The following L3MBTL4 variants were observed in gnomAD, a reference collection of about 807,000 sequenced individuals.
The protein encoded by L3MBTL4 is lethal(3)malignant brain tumor-like protein 4.
Under a neutral mutation model 84.5 loss-of-function variants are expected in L3MBTL4, and 70 were observed. The ratio of observed to expected loss-of-function variants is 0.83; its 90% confidence interval spans 0.68 to 1.01. The LOEUF is 1.01. Ranked by LOEUF, L3MBTL4 falls within the 50% of genes least tolerant of loss-of-function variation. L3MBTL4 has a pLI of 0.00. For missense variants in L3MBTL4, 715 were observed against 754.8 expected (o/e 0.95, Z 0.62); for synonymous variants, 274 against 259.8 (o/e 1.05, Z -0.52).
intron 14 of L3MBTL4, among the ~76,000 whole-genome samples, chr18:6,099,200 C>T (rs1175777797): frequency 6.6e-6 from 1 of 152,118 alleles, no homozygotes; most frequent in Non-Finnish European, 1.5e-5. Flanking sequence ...AATAACCCGC[C>T]CCATTTCAGA....
At chr18:6,152,445 T>C (rs1478093684) in intron 13 of L3MBTL4, among the ~76,000 whole-genome samples, 4 of 152,226 alleles carry the variant, frequency 2.6e-5, no homozygotes, top group Admixed American at 6.5e-5. Context: ...TGTTAGGTGA[T>C]ATCTCACTGT....
At chr18:5,967,126 T>C (rs1326876501) in intron 17 of L3MBTL4, among the ~76,000 whole-genome samples, 1 of 152,244 alleles carries the variant, frequency 6.6e-6, no homozygotes, top group Non-Finnish European at 1.5e-5. Context: ...AACGGCTCTG[T>C]CCAGCAGACT....
intron 4 of L3MBTL4, among the ~76,000 whole-genome samples, chr18:6,270,112 C>G (rs1438891923): frequency 7.9e-5 from 12 of 152,172 alleles, no homozygotes; most frequent in Admixed American, 7.9e-4. Context: ...ACCAACCACA[C>G]TGTTATAAAT....
rs2052169376 is a variant in L3MBTL4, at chr18:6,333,681, G to T, written c.-90-21625C>A. Among the ~76,000 whole-genome samples, 5 of 151,808 alleles carry T rather than the reference G, an allele frequency of 3.3e-5. No individual in the cohort carries two copies. The South Asian group carries it at 1.0e-3, about 32-fold the overall frequency. On this transcript the variant is annotated intron_variant, in intron 1 of 18. Transcript: ENST00000317931. ...CACGTATGTGTTTACATAACTGGGA[G>T]CATAGCTCCAGCCGTAAGAGAACAA...
chr18:5,992,560 C>T (rs1405921266), intron 16 of L3MBTL4, among the ~76,000 whole-genome samples: 3 of 152,156 alleles, frequency 2.0e-5, no homozygotes, highest in Non-Finnish European at 4.4e-5. Flanking sequence ...GAAATATAAT[C>T]CCCAGTGTTG....
chr18:6,172,345 C>A (rs1217428662), intron 12 of L3MBTL4, among the ~76,000 whole-genome samples: 1 of 152,072 alleles, frequency 6.6e-6, no homozygotes, highest in Non-Finnish European at 1.5e-5. Context: ...GACATTAGTA[C>A]AAGTGCTATA....
chr18:6,125,535 C>T (rs1018189584), intron 14 of L3MBTL4, among the ~76,000 whole-genome samples: 2 of 152,076 alleles, frequency 1.3e-5, no homozygotes, highest in African/African-American at 4.8e-5. Context: ...CTCAGGCGAT[C>T]CTCCCACCTC....
chr18:6,367,681 C>T (rs2053993524), intron 1 of L3MBTL4: 3 of 152,436 alleles, frequency 2.0e-5, no homozygotes, highest in Admixed American at 2.0e-4. Context: ...AAAGTCAGAG[C>T]ACTCAGATAA....
chr18:6,071,787 A>T (rs2057649394), intron 16 of L3MBTL4, among the ~76,000 whole-genome samples: 1 of 143,308 alleles, frequency 7.0e-6, no homozygotes, highest in Admixed American at 7.0e-5. Flanking sequence ...GAAAGAAAGA[A>T]AGAAAGAAAG....
intron 14 of L3MBTL4, among the ~76,000 whole-genome samples, chr18:6,137,553 T>C (rs1183666874): frequency 6.6e-6 from 1 of 152,186 alleles, no homozygotes; most frequent in Non-Finnish European, 1.5e-5. Flanking sequence ...TTTGAACAAA[T>C]TTGATATTAA....
chr18:6,235,519 G>A (rs1010335868), intron 10 of L3MBTL4, among the ~76,000 whole-genome samples: 1 of 152,186 alleles, frequency 6.6e-6, no homozygotes, highest in Admixed American at 6.5e-5. Flanking sequence ...GAAGTACTGA[G>A]ACATGCCACA....
At chr18:6,410,106 C>T (rs1490445370) in intron 1 of L3MBTL4, among the ~76,000 whole-genome samples, 3 of 152,212 alleles carry the variant, frequency 2.0e-5, no homozygotes, top group Non-Finnish European at 2.9e-5. Flanking sequence ...CAGTCCTTAA[C>T]GAGGTCTTCC....
At chr18:6,305,642 A>C (rs1470944214) in intron 3 of L3MBTL4, among the ~76,000 whole-genome samples, 1 of 152,216 alleles carries the variant, frequency 6.6e-6, no homozygotes, top group Non-Finnish European at 1.5e-5. Context: ...GTTCTGAAAA[A>C]CAGGGAGATA....
chr18:6,130,953 A>T (rs1333339918), intron 14 of L3MBTL4, among the ~76,000 whole-genome samples: 1 of 152,178 alleles, frequency 6.6e-6, no homozygotes, highest in Non-Finnish European at 1.5e-5. Flanking sequence ...TATTATTGCT[A>T]ACCCCCTATT....
intron 12 of L3MBTL4, among the ~76,000 whole-genome samples, chr18:6,199,323 CT>C (rs1433504620): frequency 6.6e-6 from 1 of 152,218 alleles, no homozygotes; most frequent in Admixed American, 6.5e-5. Context: ...CCATATGTGG[CT>C]ATTTCCACTT....
intron 16 of L3MBTL4, among the ~76,000 whole-genome samples, chr18:5,981,814 T>C (rs1345599375): frequency 6.6e-6 from 1 of 152,120 alleles, no homozygotes; most frequent in East Asian, 1.9e-4. Context: ...AAAAAATTTT[T>C]TTTTTAAAAA....
At chr18:6,147,390 A>C (rs1203449408) in intron 13 of L3MBTL4, among the ~76,000 whole-genome samples, 1 of 152,200 alleles carries the variant, frequency 6.6e-6, no homozygotes. Context: ...GAAGAAAATA[A>C]TATAACCAAA....
intron 1 of L3MBTL4, among the ~76,000 whole-genome samples, chr18:6,316,888 G>A (rs1403697084): frequency 6.6e-6 from 1 of 152,102 alleles, no homozygotes; most frequent in Non-Finnish European, 1.5e-5. Flanking sequence ...CCACTATTGG[G>A]TACTGCATTT....
At chr18:5,960,699 C>T (rs954447901) in intron 17 of L3MBTL4, 8 of 152,286 alleles carry the variant, frequency 5.3e-5, no homozygotes, top group African/African-American at 1.9e-4. Flanking sequence ...AGGTTCAGTA[C>T]TTACCCAAGG....
Sources: gnomAD v4.1 joint callset for allele counts (sites outside exome capture counted in the v4.1 genomes callset) on GRCh38, gnomAD v4.1.1 for gene constraint, MANE v1.5 for transcripts, NCBI Gene and HGNC (gene_info 2026-07-23, HGNC 2026-07-21) for gene names.